CAMK1D: variants seen among roughly 807,000 people sequenced by gnomAD.
The protein encoded by CAMK1D is calcium/calmodulin-dependent protein kinase type 1D.
Under a neutral mutation model 47.7 loss-of-function variants are expected in CAMK1D, and 9 were observed. That is an observed-to-expected ratio of 0.19 (90% CI 0.11 to 0.33). The LOEUF is 0.33. CAMK1D is among the 10% of genes least tolerant of loss of function. The pLI is 1.00. For missense variants in CAMK1D, 291 were observed against 488.7 expected (o/e 0.60, Z 3.81); for synonymous variants, 184 against 184.9 (o/e 0.99, Z 0.04).
chr10:12,529,134 G>A (rs1835722602), intron 1 of CAMK1D, among the ~76,000 whole-genome samples: 1 of 152,144 alleles, frequency 6.6e-6, no homozygotes, highest in Non-Finnish European at 1.5e-5. Flanking sequence ...CACTGTGCTT[G>A]CTCTCTCATC....
At chr10:12,529,996 GA>G (rs1835752497) in intron 1 of CAMK1D, among the ~76,000 whole-genome samples, 1 of 152,308 alleles carries the variant, frequency 6.6e-6, no homozygotes, top group Non-Finnish European at 1.5e-5. Flanking sequence ...ATAAACTAAT[GA>G]AAAAGACATT....
rs149893510 is a variant in CAMK1D at position 12,587,994 on chromosome 10, G to A, written c.224+34638G>A. On this transcript the variant is annotated intron_variant, in intron 2 of 10. Coordinates refer to ENST00000619168, the MANE Select transcript of CAMK1D (RefSeq NM_153498.4). ...AAATTTAAGGATATATGTACATGCA[G>A]CTTTGTGGGAGCACTTGAATATTAA... 1.2e-4 allele frequency among the ~76,000 whole-genome samples: 19 copies of A among 152,232 alleles called. No individual in the cohort carries two copies. In the East Asian group the frequency reaches 3.5e-3, roughly 28 times the overall value.
intron 1 of CAMK1D, among the ~76,000 whole-genome samples, chr10:12,427,704 T>TTTTTTTTTTTTTTG (rs1564333668): frequency 1.0e-5 from 1 of 97,394 alleles, no homozygotes; most frequent in Non-Finnish European, 2.1e-5. Context: ...CTTACTGTTT[T>TTTTTTTTTTTTTTG]TTTTTTTTTT....
At chr10:12,499,471 G>A (rs532071463) in intron 1 of CAMK1D, among the ~76,000 whole-genome samples, 1 of 152,230 alleles carries the variant, frequency 6.6e-6, no homozygotes, top group East Asian at 1.9e-4. Flanking sequence ...AGAACCGAAG[G>A]CAGAAATAAA....
intron 2 of CAMK1D, among the ~76,000 whole-genome samples, chr10:12,664,377 G>A (rs996898028): frequency 5.3e-5 from 8 of 151,818 alleles, no homozygotes; most frequent in Non-Finnish European, 1.0e-4. Flanking sequence ...TCTCTGGAAC[G>A]CTGCAATGGA....
chr10:12,768,891 A>C (rs1836905469), intron 4 of CAMK1D, among the ~76,000 whole-genome samples: 1 of 152,118 alleles, frequency 6.6e-6, no homozygotes, highest in Non-Finnish European at 1.5e-5. Flanking sequence ...TCCCATGCCA[A>C]CCCCAGGACT....
chr10:12,818,725 T>C (rs1430952469), intron 8 of CAMK1D, among the ~76,000 whole-genome samples: 2 of 150,662 alleles, frequency 1.3e-5, no homozygotes, highest in Non-Finnish European at 2.9e-5. Context: ...AGCTAGCTAA[T>C]AGCAAAGCCA....
chr10:12,768,198 C>A (rs893370150), intron 4 of CAMK1D, among the ~76,000 whole-genome samples: 1 of 152,210 alleles, frequency 6.6e-6, no homozygotes, highest in Middle Eastern at 3.4e-3. Context: ...CTGTCTTTTG[C>A]CCACAAGGAA....
At chr10:12,557,911 A>G (rs1588630518) in intron 2 of CAMK1D, among the ~76,000 whole-genome samples, 1 of 152,214 alleles carries the variant, frequency 6.6e-6, no homozygotes, top group Non-Finnish European at 1.5e-5. Flanking sequence ...GATGTAGCTA[A>G]CATGTCCTTA....
chr10:12,486,932 T>C (rs1834236345), intron 1 of CAMK1D, among the ~76,000 whole-genome samples: 1 of 152,132 alleles, frequency 6.6e-6, no homozygotes, highest in African/African-American at 2.4e-5. Context: ...AATGAGATCC[T>C]GTCTCTAAAA....
intron 1 of CAMK1D, among the ~76,000 whole-genome samples, chr10:12,374,096 C>G (rs887588865): frequency 2.0e-5 from 3 of 150,940 alleles, no homozygotes; most frequent in Non-Finnish European, 4.4e-5. Context: ...CCCGTCTCTA[C>G]TAAAAATATA....
At chr10:12,366,956 C>A (rs1837854885) in intron 1 of CAMK1D, among the ~76,000 whole-genome samples, 1 of 152,110 alleles carries the variant, frequency 6.6e-6, no homozygotes, top group African/African-American at 2.4e-5. Context: ...TGTAGCTTGG[C>A]AGTGATGGTG....
intron 1 of CAMK1D, among the ~76,000 whole-genome samples, chr10:12,479,183 CT>C: frequency 6.6e-6 from 1 of 152,120 alleles, no homozygotes; most frequent in Middle Eastern, 3.4e-3. Flanking sequence ...GCTGGAGAAG[CT>C]GCATTTTTTT....
chr10:12,368,123 C>T (rs555597380), intron 1 of CAMK1D, among the ~76,000 whole-genome samples: 11 of 150,262 alleles, frequency 7.3e-5, no homozygotes, highest in Admixed American at 6.7e-5. Context: ...GCCCGGGAGG[C>T]GGAGCTTGCA....
chr10:12,522,786 G>A (rs1181720046), intron 1 of CAMK1D, among the ~76,000 whole-genome samples: 6 of 148,202 alleles, frequency 4.0e-5, no homozygotes, highest in Non-Finnish European at 9.0e-5. Context: ...GGGCAGAGGC[G>A]CCCACCACCT....
intron 2 of CAMK1D, among the ~76,000 whole-genome samples, chr10:12,638,286 T>G (rs1411584104): frequency 6.6e-6 from 1 of 152,208 alleles, no homozygotes; most frequent in Non-Finnish European, 1.5e-5. Context: ...GTGGTCTGGA[T>G]AAAGTCCATA....
intron 3 of CAMK1D, among the ~76,000 whole-genome samples, chr10:12,695,381 C>G (rs1278042814): frequency 6.6e-6 from 1 of 152,116 alleles, no homozygotes. Context: ...GAGCCATGTC[C>G]TGCCTCCACA....
At chr10:12,622,277 C>A (rs544785739) in intron 2 of CAMK1D, among the ~76,000 whole-genome samples, 1 of 152,220 alleles carries the variant, frequency 6.6e-6, no homozygotes, top group South Asian at 2.1e-4. Flanking sequence ...CGGTTGTTGT[C>A]TGCAAGTTTG....
rs1475632047 is a variant in CAMK1D, at chr10:12,427,782, A to T, written c.92+77872A>T. Reference sequence around the variant, plus strand: ...GAGTGCAGTGGCATGACCTTGGCTCACCGCAACCTTTTCCTCCCGGGTTCA... The same window carrying T: ...GAGTGCAGTGGCATGACCTTGGCTCTCCGCAACCTTTTCCTCCCGGGTTCA... On this transcript the variant is annotated intron_variant, in intron 1 of 10. Coordinates refer to ENST00000619168, the MANE Select transcript of CAMK1D (RefSeq NM_153498.4). Among the ~76,000 whole-genome samples the T allele has an allele frequency of 5.6e-5, 7 of 125,198 alleles. No homozygotes were observed. In the East Asian group the frequency reaches 1.8e-3, roughly 32 times the overall value. The allele number at this position is 125,198 out of a possible 152,430, so 82.1% of individuals were successfully genotyped here. A position where few individuals can be genotyped will look rare whatever the true frequency, so the allele number is the denominator to read the frequency against.
Sources: gnomAD v4.1 joint callset for allele counts (sites outside exome capture counted in the v4.1 genomes callset) on GRCh38, gnomAD v4.1.1 for gene constraint, MANE v1.5 for transcripts, NCBI Gene and HGNC (gene_info 2026-07-23, HGNC 2026-07-21) for gene names.